TTL: variants seen among roughly 807,000 people sequenced by gnomAD.
TTL encodes tubulin tyrosine ligase.
TTL carries 10 observed loss-of-function variants against 41.1 expected under a neutral mutation model. The observed-to-expected ratio is 0.24, with a 90% CI of 0.15 to 0.41. The LOEUF is 0.41. Among genes scored for constraint, TTL ranks in the 10% least tolerant of loss-of-function variants. TTL has a pLI of 1.00. For synonymous variants in TTL, 175 were observed against 175.5 expected (o/e 1.00, Z 0.02); for missense variants, 367 against 460.4 (o/e 0.80, Z 1.86).
chr2:112,502,202 C>CT (rs1436690433), intron 4 of TTL, among the ~76,000 whole-genome samples: 3 of 152,234 alleles, frequency 2.0e-5, no homozygotes, highest in Non-Finnish European at 1.5e-5. Context: ...GCCAAGGACT[C>CT]TGTCTCCTTG....
intron 2 of TTL, among the ~76,000 whole-genome samples, chr2:112,487,560 C>CA (rs1681273420): frequency 6.6e-6 from 1 of 152,132 alleles, no homozygotes; most frequent in South Asian, 2.1e-4. Flanking sequence ...TATAGTGAAG[C>CA]AGAGTGAGTA....
chr2:112,484,328 A>G (rs886772079), intron 1 of TTL, among the ~76,000 whole-genome samples: 1 of 150,918 alleles, frequency 6.6e-6, no homozygotes, highest in African/African-American at 2.4e-5. Flanking sequence ...CAGTGGTGCA[A>G]TTTTGGCTCA....
intron 2 of TTL, among the ~76,000 whole-genome samples, chr2:112,486,993 C>T (rs1034404053): frequency 3.3e-5 from 5 of 152,110 alleles, no homozygotes; most frequent in African/African-American, 1.2e-4. Context: ...CTTATTATTG[C>T]TATTAGTATA....
chr2:112,516,115 C>T (rs1285906246), intron 5 of TTL, among the ~76,000 whole-genome samples: 1 of 152,102 alleles, frequency 6.6e-6, no homozygotes, highest in Non-Finnish European at 1.5e-5. Context: ...TTCAGCTTTT[C>T]CCAGTGTTAC....
chr2:112,521,441 A>G, intron 6 of TTL: 6 of 830,710 alleles, frequency 7.2e-6, no homozygotes, highest in Non-Finnish European at 8.7e-6. Context: ...CTCTTTCATG[A>G]TGTCAAGACC....
intron 6 of TTL, among the ~76,000 whole-genome samples, chr2:112,525,081 G>C (rs556169314): frequency 6.6e-6 from 1 of 152,126 alleles, no homozygotes; most frequent in African/African-American, 2.4e-5. Flanking sequence ...TATCAGGTTT[G>C]TCAAACATCA....
At chr2:112,499,404 C>G (rs6721500) in intron 3 of TTL, among the ~76,000 whole-genome samples, 6,252 of 152,022 alleles carry the variant, frequency 0.041, 449 homozygotes, top group African/African-American at 0.14. Context: ...AAAAGCCATT[C>G]AATAGAGGAA....
At position 112,532,896 on chromosome 2, in the gene TTL, A is replaced by G. The variant is rs1255483464; in HGVS notation, c.*4101A>G. The G allele has an allele frequency of 1.3e-5, 2 of 152,224 alleles. No homozygotes were observed. The highest frequency in any genetic ancestry group is 2.1e-4 in the South Asian group (1 of 4,824). 9.4% of individuals were successfully genotyped at this position (152,224 alleles called of 1,614,324 possible). A position where few individuals can be genotyped will look rare whatever the true frequency, so the allele number is the denominator to read the frequency against. The stretch of plus-strand genomic sequence containing the variant: ...AGCTTCTCAGTGAAGCACTGAGACT[A>G]TTTCAGCTGCCAAAGTCCCAGCCCA... On this transcript the variant is annotated 3_prime_UTR_variant, in exon 7 of 7. Transcript: ENST00000233336.
Position 112,541,088 on chromosome 2 carries a change from T to C in TTL, c.*12293T>C, listed in dbSNP as rs764223347. 16 of 152,186 alleles carry C rather than the reference T, an allele frequency of 1.1e-4. No homozygotes were observed. Among genetic ancestry groups the C allele is most frequent in the Non-Finnish European group, 2.4e-4 (16 of 68,014 alleles). The allele number at this position is 152,186 out of a possible 1,614,324, so 9.4% of individuals were successfully genotyped here. ...CTGTGATGATTACATCGTATGCCTA[T>C]ATGAAAACATCTCATATACCTCATA... On this transcript the variant is annotated 3_prime_UTR_variant, in exon 7 of 7. Coordinates refer to ENST00000233336, the MANE Select transcript of TTL (RefSeq NM_153712.5).
intron 6 of TTL, 162 bp downstream of exon 6, chr2:112,520,587 C>T (rs948843191): frequency 3.2e-6 from 3 of 928,326 alleles, no homozygotes; most frequent in Middle Eastern, 3.4e-4. Context: ...TTTGCTGAGT[C>T]ACTTCCTTTC....
chr2:112,516,786 T>C (rs922371663), intron 5 of TTL, among the ~76,000 whole-genome samples: 10 of 152,236 alleles, frequency 6.6e-5, no homozygotes, highest in Non-Finnish European at 1.2e-4. Context: ...TCACAATGAC[T>C]GAGACTTTTT....
At chr2:112,483,603 T>C (rs1295245343) in intron 1 of TTL, 1 of 152,190 alleles carries the variant, frequency 6.6e-6, no homozygotes, top group Non-Finnish European at 1.5e-5. Context: ...TGGTCAGAAT[T>C]CAAATGGGTA....
chr2:112,523,870 G>T (rs542963537), intron 6 of TTL, among the ~76,000 whole-genome samples: 1 of 151,700 alleles, frequency 6.6e-6, no homozygotes, highest in Admixed American at 6.6e-5. Context: ...ATGTATACAT[G>T]TGCCATGTTG....
rs1682542222 is a variant in TTL, at chr2:112,533,059, T to C, written c.*4264T>C. 6.6e-6 allele frequency: 1 copy of C among 152,246 alleles called. No individual in the cohort carries two copies. The highest frequency in any genetic ancestry group is 2.1e-4 in the South Asian group (1 of 4,834). The allele number at this position is 152,246 out of a possible 1,614,324, so 9.4% of individuals were successfully genotyped here. A position where few individuals can be genotyped will look rare whatever the true frequency, so the allele number is the denominator to read the frequency against. The stretch of plus-strand genomic sequence containing the variant: ...AGAGTTTCATTAATGCAAATTGTTA[T>C]TAACTTGTAACTTCTTGTGCAATAA... On this transcript the variant is annotated 3_prime_UTR_variant, in exon 7 of 7. Coordinates refer to ENST00000233336, the MANE Select transcript of TTL (RefSeq NM_153712.5).
At chr2:112,486,672 G>A (rs1462136454) in intron 2 of TTL, among the ~76,000 whole-genome samples, 2 of 152,108 alleles carry the variant, frequency 1.3e-5, no homozygotes, top group Admixed American at 1.3e-4. Flanking sequence ...TAAGATCTAG[G>A]GTGAAAAGTG....
intron 1 of TTL, chr2:112,483,546 A>C (rs774620867): frequency 3.3e-5 from 5 of 152,270 alleles, no homozygotes; most frequent in Non-Finnish European, 7.3e-5. Flanking sequence ...ACCCAGAGAG[A>C]GCAATGTTCT....
chr2:112,525,620 T>G (rs1682352219), intron 6 of TTL, among the ~76,000 whole-genome samples: 1 of 152,204 alleles, frequency 6.6e-6, no homozygotes, highest in South Asian at 2.1e-4. Context: ...TGCTTGTGAT[T>G]TTTGCACATC....
intron 2 of TTL, among the ~76,000 whole-genome samples, chr2:112,488,870 C>T (rs928826886): frequency 5.3e-5 from 8 of 152,082 alleles, no homozygotes; most frequent in Admixed American, 5.2e-4. Context: ...GGGCGGATCA[C>T]GATGTCAAGA....
rs1682517434 is a variant in TTL at position 112,531,908 on chromosome 2, T to C, written c.*3113T>C. On this transcript the variant is annotated 3_prime_UTR_variant, in exon 7 of 7. Coordinates refer to ENST00000233336, the MANE Select transcript of TTL (RefSeq NM_153712.5). Reference sequence around the variant, plus strand: ...CGAAATTATAAATCTGCTAAATATGTATTAAGGGTATTAATTATTGAAAGT... The same window carrying C: ...CGAAATTATAAATCTGCTAAATATGCATTAAGGGTATTAATTATTGAAAGT... 4.5e-6 allele frequency: 1 copy of C among 222,654 alleles called. No individual in the cohort carries two copies. Among genetic ancestry groups the C allele is most frequent in the Non-Finnish European group, 9.0e-6 (1 of 111,580 alleles). 13.8% of individuals were successfully genotyped at this position (222,654 alleles called of 1,614,324 possible).
Sources: gnomAD v4.1 joint callset for allele counts (sites outside exome capture counted in the v4.1 genomes callset) on GRCh38, gnomAD v4.1.1 for gene constraint, MANE v1.5 for transcripts, NCBI Gene and HGNC (gene_info 2026-07-23, HGNC 2026-07-21) for gene names.